The following TXNDC11 variants were observed in gnomAD, a reference collection of about 807,000 sequenced individuals.
TXNDC11 encodes the protein thioredoxin domain-containing protein 11.
Under a neutral mutation model 78.0 loss-of-function variants are expected in TXNDC11, and 68 were observed. That is an observed-to-expected ratio of 0.87 (90% CI 0.72 to 1.07). The LOEUF (loss-of-function observed/expected upper bound fraction) is 1.07. Ranked by LOEUF, TXNDC11 falls within the 50% of genes least tolerant of loss-of-function variation. The probability of loss-of-function intolerance (pLI) is 0.00; values close to 1 mark genes in which losing one functional copy is unlikely to be tolerated. For missense variants in TXNDC11, 1,389 were observed against 1,221.8 expected (o/e 1.14, Z -2.04); for synonymous variants, 571 against 495.2 (o/e 1.15, Z -2.03).
intron 8 of TXNDC11, 172 bp downstream of exon 8, chr16:11,691,118 G>C (rs189086620): frequency 1.6e-6 from 1 of 612,404 alleles, no homozygotes; most frequent in African/African-American, 1.8e-5. Flanking sequence ...CCATTTAATA[G>C]ACAAAATTAG....
chr16:11,727,586 T>C (rs2141104450), intron 4 of TXNDC11, among the ~76,000 whole-genome samples: 1 of 152,174 alleles, frequency 6.6e-6, no homozygotes, highest in African/African-American at 2.4e-5. Flanking sequence ...AAGTGAGTAG[T>C]TTGAGTAAAA....
intron 11 of TXNDC11, among the ~76,000 whole-genome samples, chr16:11,682,897 G>T (rs1223624836): frequency 6.6e-6 from 1 of 152,194 alleles, no homozygotes; most frequent in African/African-American, 2.4e-5. Flanking sequence ...CCAAGGGAAT[G>T]ATTCAATAGA....
At chr16:11,682,891 G>C (rs1438007058) in intron 11 of TXNDC11, among the ~76,000 whole-genome samples, 1 of 152,112 alleles carries the variant, frequency 6.6e-6, no homozygotes, top group African/African-American at 2.4e-5. Flanking sequence ...CAAAAACCAA[G>C]GGAATGATTC....
intron 5 of TXNDC11, among the ~76,000 whole-genome samples, chr16:11,710,670 C>G (rs2051324093): frequency 6.6e-6 from 1 of 152,154 alleles, no homozygotes. Flanking sequence ...GGCAACATGG[C>G]AAAACCTCAT....
At chr16:11,729,321 G>C (rs538645274) in intron 4 of TXNDC11, among the ~76,000 whole-genome samples, 1 of 152,180 alleles carries the variant, frequency 6.6e-6, no homozygotes, top group Non-Finnish European at 1.5e-5. Flanking sequence ...GAAAATGAGA[G>C]GCAGGCCTCT....
chr16:11,708,613 G>T (rs934868490), intron 5 of TXNDC11, among the ~76,000 whole-genome samples: 1 of 152,172 alleles, frequency 6.6e-6, no homozygotes, highest in Middle Eastern at 3.2e-3. Context: ...ATCGGGTCAA[G>T]AAAAATGCTT....
chr16:11,721,933 A>C (rs2051719172), intron 4 of TXNDC11, among the ~76,000 whole-genome samples: 1 of 152,188 alleles, frequency 6.6e-6, no homozygotes, highest in African/African-American at 2.4e-5. Context: ...TTCAAAGCTG[A>C]AATTTCCTTC....
At chr16:11,724,484 C>A (rs1211717587) in intron 4 of TXNDC11, among the ~76,000 whole-genome samples, 1 of 152,056 alleles carries the variant, frequency 6.6e-6, no homozygotes, top group Non-Finnish European at 1.5e-5. Context: ...ATGACACCGG[C>A]CAGGTGTGGT....
intron 10 of TXNDC11, 113 bp from the exon 11 acceptor site, chr16:11,684,358 G>A: frequency 1.4e-6 from 1 of 704,322 alleles, no homozygotes; most frequent in Non-Finnish European, 2.5e-6. Context: ...CCCCACATTG[G>A]GCTAGTCCCT....
At chr16:11,726,052 C>T (rs930952995) in intron 4 of TXNDC11, among the ~76,000 whole-genome samples, 2 of 151,988 alleles carry the variant, frequency 1.3e-5, no homozygotes, top group Non-Finnish European at 2.9e-5. Flanking sequence ...TAATTTTTAA[C>T]ATTTTGTTAT....
At chr16:11,715,622 C>A (rs1050600295) in intron 5 of TXNDC11, among the ~76,000 whole-genome samples, 1 of 152,134 alleles carries the variant, frequency 6.6e-6, no homozygotes, top group Non-Finnish European at 1.5e-5. Context: ...CGTCCTTTAC[C>A]AGTCATACAT....
At position 11,679,858 on chromosome 16, in the gene TXNDC11, A is replaced by C; in HGVS notation, c.2235-21T>G. 2.5e-6 allele frequency: 4 copies of C among 1,592,402 alleles called. No individual in the cohort carries two copies. The highest frequency in any genetic ancestry group is 3.4e-6 in the Non-Finnish European group (4 of 1,166,190). ...CCTTTCTGGAGAGAGAGGGAAAGGA[A>C]GCAAAGACAGGAGTCACACCAACAC... On this transcript the variant is annotated intron_variant, in intron 11 of 11. Transcript: ENST00000283033. The surrounding 1 kb of genome is among the most constrained non-coding windows in gnomAD (Gnocchi z 4.6).
At chr16:11,686,864 ACT>A (rs1251794058) in intron 10 of TXNDC11, among the ~76,000 whole-genome samples, 2 of 151,722 alleles carry the variant, frequency 1.3e-5, no homozygotes, top group African/African-American at 4.8e-5. Flanking sequence ...GCAGCTTGAA[ACT>A]CTGGGCAACT....
intron 4 of TXNDC11, among the ~76,000 whole-genome samples, chr16:11,727,951 T>A (rs1341453133): frequency 1.3e-5 from 2 of 152,154 alleles, no homozygotes; most frequent in African/African-American, 4.8e-5. Context: ...AAAAGGGTGC[T>A]ACCAACATCT....
chr16:11,725,399 C>T (rs1201080861), intron 4 of TXNDC11, among the ~76,000 whole-genome samples: 1 of 150,936 alleles, frequency 6.6e-6, no homozygotes, highest in African/African-American at 2.4e-5. Flanking sequence ...GAGCCAACAT[C>T]GTCAAAATGT....
In TXNDC11 at chr16:11,698,126, T is replaced by G; in HGVS notation, c.1106A>C (p.Glu369Ala). The change falls in exon 7 of 12, where the codon GAG becomes GCG. Residue 369 changes from glutamate to alanine, a missense_variant and splice_region_variant. Physicochemically the swap from Glu to Ala is moderately radical, Grantham distance 107 (BLOSUM62 -1). Transcript: ENST00000283033. ...TGCTTTTCACATCACAGCTCTTACC[T>G]CGTCTATTAAAGGATGACTTTCGGC... Reference protein sequence around the residue: ...PLAESHPLIDEITEVALEYNN... With the variant: ...PLAESHPLIDAITEVALEYNN... 1 of 1,614,210 alleles carries G rather than the reference T, an allele frequency of 6.2e-7. No individual in the cohort carries two copies. Among genetic ancestry groups the G allele is most frequent in the Non-Finnish European group, 8.5e-7 (1 of 1,180,008 alleles).
intron 4 of TXNDC11, among the ~76,000 whole-genome samples, chr16:11,724,497 C>T (rs535566580): frequency 6.6e-6 from 1 of 152,238 alleles, no homozygotes; most frequent in East Asian, 1.9e-4. Context: ...GGTGTGGTGG[C>T]TTATGTCTAT....
intron 4 of TXNDC11, among the ~76,000 whole-genome samples, chr16:11,722,264 AG>A (rs2051730638): frequency 6.6e-6 from 1 of 152,136 alleles, no homozygotes; most frequent in South Asian, 2.1e-4. Flanking sequence ...AGATCTGCAG[AG>A]GACCCGCCTC....
At chr16:11,719,447 C>G (rs549588557) in intron 5 of TXNDC11, among the ~76,000 whole-genome samples, 2 of 152,180 alleles carry the variant, frequency 1.3e-5, no homozygotes, top group Non-Finnish European at 2.9e-5. Context: ...CTTTTCTCCC[C>G]CTATGTCTCC....
Sources: allele counts gnomAD v4.1 joint callset (sites outside exome capture counted in the v4.1 genomes callset), GRCh38; gene constraint gnomAD v4.1.1; non-coding constraint Gnocchi (gnomAD v3.1); transcripts MANE v1.5; gene names NCBI Gene and HGNC (gene_info 2026-07-23, HGNC 2026-07-21).